The following FUT6 variants were observed in gnomAD, a reference collection of about 807,000 sequenced individuals.
The protein encoded by FUT6 is 4-galactosyl-N-acetylglucosaminide 3-alpha-L-fucosyltransferase FUT6.
For missense variants in FUT6, 454 were observed against 494.6 expected (o/e 0.92, Z 0.78); for synonymous variants, 187 against 209.9 (o/e 0.89, Z 0.94).
At chr19:5,833,701 G>A (rs1381556076) in intron 2 of FUT6, among the ~76,000 whole-genome samples, 1 of 151,090 alleles carries the variant, frequency 6.6e-6, no homozygotes, top group East Asian at 1.9e-4. Context: ...CCTGAGGCAG[G>A]AGAATCACTT....
intron 1 of FUT6, among the ~76,000 whole-genome samples, chr19:5,836,282 C>T (rs1403630442): frequency 1.3e-5 from 2 of 151,704 alleles, no homozygotes; most frequent in Non-Finnish European, 2.9e-5. Flanking sequence ...ATGGCACGAT[C>T]TCAGCTCACT....
rs116794036 is a variant in FUT6 at position 5,831,185 on chromosome 19, C to T, written c.*303G>A. 5.9e-3 allele frequency: 4,155 copies of T among 702,972 alleles called. 17 individuals carry two copies. Among genetic ancestry groups the T allele is most frequent in the Middle Eastern group, 0.015 (42 of 2,764 alleles). 43.5% of individuals were successfully genotyped at this position (702,972 alleles called of 1,614,324 possible). A position where few individuals can be genotyped will look rare whatever the true frequency, so the allele number is the denominator to read the frequency against. ...CGAGGTCCCCAGTAGGCAAAGTCCC[C>T]AGGAGACATCCCCAGCAGGCCAGGC... On this transcript the variant is annotated 3_prime_UTR_variant, in exon 3 of 3. Transcript: ENST00000318336. The surrounding 1 kb of genome is among the most constrained non-coding windows in gnomAD (Gnocchi z 7.0).
Position 5,839,602 on chromosome 19 carries a change from A to C in FUT6, c.-1066T>G, listed in dbSNP as rs778798. On this transcript the variant is annotated 5_prime_UTR_variant, in exon 1 of 3. Transcript: ENST00000318336. ...GCAGAAGCTTCCTCCGGTGGCCTCA[A>C]CAAGCCCCTCTGTGTGCCTCAAAGC... 124,032 of 152,262 alleles carry C rather than the reference A, an allele frequency of 0.81. 51,240 individuals carry two copies. Among genetic ancestry groups the C allele is most frequent in the African/African-American group, 0.95 (39,559 of 41,528 alleles). The allele number at this position is 152,262 out of a possible 1,614,324, so 9.4% of individuals were successfully genotyped here.
chr19:5,835,962 C>T (rs996408047), intron 1 of FUT6, among the ~76,000 whole-genome samples: 4 of 152,044 alleles, frequency 2.6e-5, no homozygotes, highest in African/African-American at 9.7e-5. Flanking sequence ...GATCTTGGCT[C>T]ACTGCAACTT....
Position 5,832,926 on chromosome 19 carries a change from A to T in FUT6, c.-12-347T>A. On this transcript the variant is annotated intron_variant, in intron 2 of 2. Transcript: ENST00000318336. This position sits in a 1 kb window ranked among gnomAD's most constrained non-coding sequence, Gnocchi z 4.3. ...TCAATCTGGAGAGAAGACACAGCCG[A>T]TCATAAATGCCCCCCAGTGCCCCTG... The T allele has an allele frequency of 3.3e-6, 1 of 300,260 alleles. No individual in the cohort carries two copies. The highest frequency in any genetic ancestry group is 6.3e-6 in the Non-Finnish European group (1 of 158,672). The allele number at this position is 300,260 out of a possible 1,614,324, so 18.6% of individuals were successfully genotyped here. A position where few individuals can be genotyped will look rare whatever the true frequency, so the allele number is the denominator to read the frequency against.
At chr19:5,836,608 C>T (rs756407769) in intron 1 of FUT6, among the ~76,000 whole-genome samples, 22 of 152,260 alleles carry the variant, frequency 1.4e-4, no homozygotes, top group Non-Finnish European at 2.4e-4. Context: ...GTGGGAGGAT[C>T]GCTTGATTCC....
intron 1 of FUT6, among the ~76,000 whole-genome samples, chr19:5,835,496 A>T (rs1278277747): frequency 1.3e-5 from 2 of 152,160 alleles, no homozygotes; most frequent in Non-Finnish European, 2.9e-5. Context: ...ACTTTCTGTG[A>T]TGATGGGCCG....
In FUT6 at chr19:5,831,418, A is replaced by G; in HGVS notation, c.*70T>C. Reference sequence around the variant, plus strand: ...TTCAGGCAAACGAGTCCTTAGGTAGATGAGGCCCCCACTCAGGTGAGGCCC... The same window carrying G: ...TTCAGGCAAACGAGTCCTTAGGTAGGTGAGGCCCCCACTCAGGTGAGGCCC... On this transcript the variant is annotated 3_prime_UTR_variant, in exon 3 of 3. Transcript: ENST00000318336. The surrounding 1 kb of genome is among the most constrained non-coding windows in gnomAD (Gnocchi z 7.0). 6.2e-7 allele frequency: 1 copy of G among 1,613,260 alleles called. No homozygotes were observed. The highest frequency in any genetic ancestry group is 8.5e-7 in the Non-Finnish European group (1 of 1,179,998).
rs1397442237 is a variant in FUT6 at position 5,830,826 on chromosome 19, G to A, written c.*662C>T. 7 of 194,688 alleles carry A rather than the reference G, an allele frequency of 3.6e-5. No homozygotes were observed. In the South Asian group the frequency reaches 3.9e-4, roughly 11 times the overall value. 12.1% of individuals were successfully genotyped at this position (194,688 alleles called of 1,614,324 possible). A position where few individuals can be genotyped will look rare whatever the true frequency, so the allele number is the denominator to read the frequency against. ...TCACCATATTGGCCAGGATGGTCTCGATCTCCTGACCTTGTGATCCGCCTG... is the reference window on the plus strand; with the variant it reads ...TCACCATATTGGCCAGGATGGTCTCAATCTCCTGACCTTGTGATCCGCCTG... On this transcript the variant is annotated 3_prime_UTR_variant, in exon 3 of 3. Coordinates refer to ENST00000318336, the MANE Select transcript of FUT6 (RefSeq NM_000150.4).
intron 2 of FUT6, among the ~76,000 whole-genome samples, chr19:5,833,676 C>A (rs113769774): frequency 0.042 from 6,348 of 150,942 alleles, 442 homozygotes; most frequent in African/African-American, 0.15. Flanking sequence ...ACCTGTAATC[C>A]CAGCTACTTA....
At position 5,832,720 on chromosome 19, in the gene FUT6, A is replaced by T; in HGVS notation, c.-12-141T>A. ...ACTGAGACCAAGTGACTCACAGCAA[A>T]AGTCAGCACAGCTGGTGTTTGAACA... is the stretch of plus-strand genomic sequence containing the variant. On this transcript the variant is annotated intron_variant, in intron 2 of 2. Transcript: ENST00000318336. This position sits in a 1 kb window ranked among gnomAD's most constrained non-coding sequence, Gnocchi z 4.3. The T allele has an allele frequency of 1.5e-6, 1 of 685,562 alleles. No homozygotes were observed. Among genetic ancestry groups the T allele is most frequent in the Non-Finnish European group, 2.5e-6 (1 of 393,000 alleles). The allele number at this position is 685,562 out of a possible 1,614,324, so 42.5% of individuals were successfully genotyped here. A position where few individuals can be genotyped will look rare whatever the true frequency, so the allele number is the denominator to read the frequency against.
rs952369564 is a variant in FUT6, at chr19:5,830,436, C to CTTT, written c.*1049_*1051dup. Among the ~76,000 whole-genome samples the CTTT allele has an allele frequency of 6.8e-6, 1 of 148,134 alleles. No individual in the cohort carries two copies. On this transcript the variant is annotated 3_prime_UTR_variant, in exon 3 of 3. Transcript: ENST00000318336. ...CACACTCAGAAAGGGACACTCCCCC[C>CTTT]TTTTTTTTTTTTTCTTGAGACAGTC...
intron 1 of FUT6, among the ~76,000 whole-genome samples, chr19:5,835,957 T>C (rs1244497969): frequency 6.6e-6 from 1 of 151,894 alleles, no homozygotes; most frequent in Non-Finnish European, 1.5e-5. Flanking sequence ...GGTGTGATCT[T>C]GGCTCACTGC....
At position 5,836,609 on chromosome 19, in the gene FUT6, G is replaced by A. The variant is rs150111526; in HGVS notation, c.-140-1532C>T. Among the ~76,000 whole-genome samples, 1,497 of 152,270 alleles carry A rather than the reference G, an allele frequency of 9.8e-3. 21 individuals carry two copies. The highest frequency in any genetic ancestry group is 0.033 in the African/African-American group (1,370 of 41,548). ...TTTGGGCGGCTGAGGTGGGAGGATC[G>A]CTTGATTCCAAGAGTTTGAGACCAG... On this transcript the variant is annotated intron_variant, in intron 1 of 2. Coordinates refer to ENST00000318336, the MANE Select transcript of FUT6 (RefSeq NM_000150.4).
chr19:5,832,714 C>T lies in FUT6; in HGVS notation c.-12-135G>A, dbSNP rs1292319130. ...GAGAAAACTGAGACCAAGTGACTCA[C>T]AGCAAAAGTCAGCACAGCTGGTGTT... On this transcript the variant is annotated intron_variant, in intron 2 of 2. Coordinates refer to ENST00000318336, the MANE Select transcript of FUT6 (RefSeq NM_000150.4). This position sits in a 1 kb window ranked among gnomAD's most constrained non-coding sequence, Gnocchi z 4.3. 3.9e-5 allele frequency: 27 copies of T among 695,026 alleles called. No homozygotes were observed. The highest frequency in any genetic ancestry group is 3.3e-5 in the Non-Finnish European group (13 of 399,430). The allele number at this position is 695,026 out of a possible 1,614,324, so 43.1% of individuals were successfully genotyped here.
At position 5,830,950 on chromosome 19, in the gene FUT6, G is replaced by A. The variant is rs375251723; in HGVS notation, c.*538C>T. On this transcript the variant is annotated 3_prime_UTR_variant, in exon 3 of 3. Transcript: ENST00000318336. ...GTATTACATCTGGAAACGGTGCGGT[G>A]ATTATCTCTCTGCACCCCTCACAGG... 1 of 336,906 alleles carries A rather than the reference G, an allele frequency of 3.0e-6. No individual in the cohort carries two copies. Among genetic ancestry groups the A allele is most frequent in the Non-Finnish European group, 5.7e-6 (1 of 175,618 alleles). 20.9% of individuals were successfully genotyped at this position (336,906 alleles called of 1,614,324 possible).
chr19:5,832,232 G>T lies in FUT6; in HGVS notation c.336C>A (p.Val112=), dbSNP rs114460969. The T allele has an allele frequency of 1.8e-3, 2,864 of 1,614,026 alleles. 49 individuals are homozygous for T. The African/African-American group carries it at 0.033, about 19-fold the overall frequency. The stretch of plus-strand genomic sequence containing the variant: ...GGAGCTGGGCACTGGGGTTGTACAT[G>T]ACCTCTCGGTGGTGCACGATGACCG... ...ADAVIVHHRE[V]MYNPSAQLPR... is the part of the protein sequence containing the mutation. The change falls in exon 3 of 3, where the codon GTC becomes GTA. Residue 112 remains valine, a synonymous_variant. Transcript: ENST00000318336. This position sits in a 1 kb window ranked among gnomAD's most constrained non-coding sequence, Gnocchi z 4.3.
At chr19:5,838,168 T>G (rs1192620221) in intron 1 of FUT6, 2 of 151,588 alleles carry the variant, frequency 1.3e-5, no homozygotes, top group Non-Finnish European at 2.9e-5. Flanking sequence ...AGGAGAGAGA[T>G]CTCACCCAAG....
At chr19:5,836,089 A>G (rs2057175313) in intron 1 of FUT6, among the ~76,000 whole-genome samples, 2 of 151,600 alleles carry the variant, frequency 1.3e-5, no homozygotes, top group South Asian at 2.1e-4. Context: ...GAGTTTCACT[A>G]TGTTGGCCAG....
Sources: gnomAD v4.1 joint callset for allele counts (sites outside exome capture counted in the v4.1 genomes callset) on GRCh38, gnomAD v4.1.1 for gene constraint, Gnocchi (gnomAD v3.1) non-coding constraint, MANE v1.5 for transcripts, NCBI Gene and HGNC (gene_info 2026-07-23, HGNC 2026-07-21) for gene names.